The following ABHD6 variants were observed in gnomAD, a reference collection of about 807,000 sequenced individuals.
ABHD6 encodes the protein abhydrolase domain containing 6, acylglycerol lipase.
A neutral mutation model predicts 38.8 loss-of-function variants in ABHD6; 33 were observed. The observed-to-expected ratio is 0.85, with a 90% CI of 0.64 to 1.14. The LOEUF is 1.14. Ranked by LOEUF, ABHD6 falls within the 50% of genes most tolerant of loss-of-function variation. ABHD6 has a pLI of 0.00. For synonymous variants in ABHD6, 147 were observed against 161.6 expected (o/e 0.91, Z 0.69); for missense variants, 380 against 422.6 (o/e 0.90, Z 0.88).
intron 3 of ABHD6, chr3:58,258,640 T>A: frequency 1.1e-5 from 2 of 189,700 alleles, no homozygotes; most frequent in South Asian, 1.5e-4. Flanking sequence ...CCCATTGAGA[T>A]CTAACTGGGA....
chr3:58,291,702 C>T lies in ABHD6; in HGVS notation c.838-1887C>T, dbSNP rs377184315. Among the ~76,000 whole-genome samples, 22 of 152,152 alleles carry T rather than the reference C, an allele frequency of 1.4e-4. No individual in the cohort carries two copies. In the East Asian group the frequency reaches 1.7e-3, roughly 12 times the overall value. On this transcript the variant is annotated intron_variant, in intron 9 of 9. Coordinates refer to ENST00000478253, the MANE Select transcript of ABHD6 (RefSeq NM_001320126.2). ...GCCATGGAGAATGATGGATTTGTAA[C>T]GCTAACCAGCAAACAGTGCCAAAGC...
chr3:58,271,902 T>G (rs1344671921), intron 6 of ABHD6, among the ~76,000 whole-genome samples: 2 of 151,296 alleles, frequency 1.3e-5, no homozygotes, highest in African/African-American at 4.9e-5. Flanking sequence ...GTAGCTGAGA[T>G]TACAGGTGTG....
At chr3:58,270,130 CTGATTGGA>C (rs2097443780) in intron 5 of ABHD6, among the ~76,000 whole-genome samples, 1 of 151,944 alleles carries the variant, frequency 6.6e-6, no homozygotes, top group African/African-American at 2.4e-5. Context: ...GGGTGGATGG[CTGATTGGA>C]TGATTGGATG....
chr3:58,264,798 T>C (rs745478795), intron 3 of ABHD6, among the ~76,000 whole-genome samples: 16 of 152,174 alleles, frequency 1.1e-4, no homozygotes, highest in African/African-American at 3.1e-4. Flanking sequence ...AGTAGGTATA[T>C]ATGGGGTACA....
At chr3:58,247,877 A>G (rs1052004510) in intron 1 of ABHD6, among the ~76,000 whole-genome samples, 6 of 152,308 alleles carry the variant, frequency 3.9e-5, no homozygotes, top group Non-Finnish European at 8.8e-5. Flanking sequence ...CCCAGCCTAT[A>G]TTGTAATTTT....
intron 6 of ABHD6, among the ~76,000 whole-genome samples, chr3:58,271,333 T>A (rs1046604411): frequency 4.0e-5 from 6 of 149,226 alleles, no homozygotes; most frequent in Non-Finnish European, 7.4e-5. Flanking sequence ...ATTTAAAATT[T>A]AAAAAAAAAA....
chr3:58,258,844 C>T (rs971963891), intron 3 of ABHD6, among the ~76,000 whole-genome samples: 2 of 152,128 alleles, frequency 1.3e-5, no homozygotes, highest in African/African-American at 2.4e-5. Flanking sequence ...TCTCTGGGGG[C>T]GGGAGTGGGG....
intron 1 of ABHD6, among the ~76,000 whole-genome samples, chr3:58,242,392 C>T (rs114919396): frequency 0.012 from 1,788 of 152,294 alleles, 29 homozygotes; most frequent in African/African-American, 0.041. Context: ...AAACTAAAAC[C>T]TCTAAAACTA....
Position 58,287,648 on chromosome 3 carries a change from C to T in ABHD6, c.837+2195C>T, listed in dbSNP as rs539351244. On this transcript the variant is annotated intron_variant, in intron 9 of 9. Transcript: ENST00000478253. This position sits in a 1 kb window ranked among gnomAD's most constrained non-coding sequence, Gnocchi z 4.7. ...TGATCAGGAATCAGAGCCTGAGCAG[C>T]GAAGGCCTTCTGTTGTTCTAAAAAC... is the stretch of plus-strand genomic sequence containing the variant. Among the ~76,000 whole-genome samples the T allele has an allele frequency of 9.2e-5, 14 of 152,300 alleles. No individual in the cohort carries two copies. The highest frequency in any genetic ancestry group is 2.1e-4 in the South Asian group (1 of 4,826).
intron 3 of ABHD6, among the ~76,000 whole-genome samples, chr3:58,260,177 A>G (rs1253461419): frequency 6.6e-6 from 1 of 152,240 alleles, no homozygotes; most frequent in East Asian, 1.9e-4. Flanking sequence ...ATAATACCAC[A>G]AAAAAACCAG....
At chr3:58,271,686 T>C (rs140274617) in intron 6 of ABHD6, among the ~76,000 whole-genome samples, 1 of 151,684 alleles carries the variant, frequency 6.6e-6, no homozygotes, top group Non-Finnish European at 1.5e-5. Context: ...GTTTTTCTTC[T>C]ATAAGTCTTT....
chr3:58,250,465 G>A lies in ABHD6; in HGVS notation c.-26+523G>A, dbSNP rs994219515. On this transcript the variant is annotated intron_variant, in intron 2 of 9. Coordinates refer to ENST00000478253, the MANE Select transcript of ABHD6 (RefSeq NM_001320126.2). ...TTCACATTTTATTTGGTGGACATGA[G>A]ACCAGCACAGCCTGATCCCTGGTGT... Among the ~76,000 whole-genome samples, 5 of 152,132 alleles carry A rather than the reference G, an allele frequency of 3.3e-5. No homozygotes were observed. In the East Asian group the frequency reaches 7.7e-4, roughly 23 times the overall value.
chr3:58,272,093 C>T (rs915494995), intron 6 of ABHD6, among the ~76,000 whole-genome samples: 51 of 152,142 alleles, frequency 3.4e-4, no homozygotes, highest in Non-Finnish European at 6.2e-4. Context: ...TGAGCCACCG[C>T]ACCCGGCCTC....
At position 58,256,088 on chromosome 3, in the gene ABHD6, CACACACACACACACACACACAT is replaced by C. The variant is rs945133653; in HGVS notation, c.-25-465_-25-444del. Among the ~76,000 whole-genome samples, 5 of 80,834 alleles carry C rather than the reference CACACACACACACACACACACAT, an allele frequency of 6.2e-5. No individual in the cohort carries two copies. Among genetic ancestry groups the C allele is most frequent in the Non-Finnish European group, 1.1e-4 (5 of 45,686 alleles). 53.0% of individuals were successfully genotyped at this position (80,834 alleles called of 152,430 possible). The stretch of plus-strand genomic sequence containing the variant: ...TTTTCCTCCCACCAACACACACACA[CACACACACACACACACACACAT>C]ACACACACTACTTTTTCTCTCCTGA... On this transcript the variant is annotated intron_variant, in intron 2 of 9. Transcript: ENST00000478253. The surrounding 1 kb of genome is among the most constrained non-coding windows in gnomAD (Gnocchi z 4.3).
chr3:58,283,545 G>A (rs1042888760), intron 7 of ABHD6, among the ~76,000 whole-genome samples: 6 of 152,188 alleles, frequency 3.9e-5, no homozygotes, highest in African/African-American at 1.4e-4. Flanking sequence ...GAGGATGCCT[G>A]GATAATGCAG....
intron 2 of ABHD6, among the ~76,000 whole-genome samples, chr3:58,254,744 G>A (rs2097432075): frequency 6.6e-6 from 1 of 151,390 alleles, no homozygotes; most frequent in Admixed American, 6.6e-5. Flanking sequence ...TCCTTCCAGG[G>A]GTTTTCTGTG....
rs916761860 is a variant in ABHD6 at position 58,285,507 on chromosome 3, A to G, written c.837+54A>G. 7.5e-6 allele frequency: 11 copies of G among 1,463,000 alleles called. No homozygotes were observed. The African/African-American group carries it at 1.3e-4, about 17-fold the overall frequency. 90.6% of individuals were successfully genotyped at this position (1,463,000 alleles called of 1,614,324 possible). A position where few individuals can be genotyped will look rare whatever the true frequency, so the allele number is the denominator to read the frequency against. The stretch of plus-strand genomic sequence containing the variant: ...TGCTGGTCACCAGGGCCTCTGAGGA[A>G]AAACGTCCTTGAGGAAGAACAAGTG... On this transcript the variant is annotated intron_variant, in intron 9 of 9. Transcript: ENST00000478253. This position sits in a 1 kb window ranked among gnomAD's most constrained non-coding sequence, Gnocchi z 4.9.
chr3:58,291,935 G>T (rs2097463351), intron 9 of ABHD6, among the ~76,000 whole-genome samples: 1 of 152,200 alleles, frequency 6.6e-6, no homozygotes. Flanking sequence ...GTGCAACAGA[G>T]CGAGACCCTG....
chr3:58,289,648 C>T (rs1466721781), intron 9 of ABHD6, among the ~76,000 whole-genome samples: 2 of 152,228 alleles, frequency 1.3e-5, no homozygotes, highest in Admixed American at 1.3e-4. Context: ...TCTACACAGA[C>T]ACGGCAACCA....
Sources: allele counts gnomAD v4.1 joint callset (sites outside exome capture counted in the v4.1 genomes callset), GRCh38; gene constraint gnomAD v4.1.1; non-coding constraint Gnocchi (gnomAD v3.1); transcripts MANE v1.5; gene names NCBI Gene and HGNC (gene_info 2026-07-23, HGNC 2026-07-21).